FBRS: variants seen among roughly 807,000 people sequenced by gnomAD.
FBRS encodes fibrosin, also known as probable fibrosin-1.
In FBRS, 15 loss-of-function variants were observed where a neutral mutation model predicts 86.1. The ratio of observed to expected loss-of-function variants is 0.17; its 90% CI spans 0.12 to 0.27. FBRS has a LOEUF of 0.27. Among genes scored for constraint, FBRS ranks in the 10% least tolerant of loss-of-function variants. FBRS has a pLI of 1.00. For synonymous variants in FBRS, 666 were observed against 575.8 expected (o/e 1.16, Z -2.24); for missense variants, 1,367 against 1,301.6 (o/e 1.05, Z -0.77).
rs2052586134 is a variant in FBRS, at chr16:30,670,654, C to T, written c.*1009C>T. On this transcript the variant is annotated 3_prime_UTR_variant, in exon 18 of 18. Coordinates refer to ENST00000356166, the MANE Select transcript of FBRS (RefSeq NM_001105079.3). Reference sequence around the variant, plus strand: ...TTCGGCAGCCTCACGGCAGCAACCCCAGCCTTCCCAAAGCAGCAGGCGCCT... The same window carrying T: ...TTCGGCAGCCTCACGGCAGCAACCCTAGCCTTCCCAAAGCAGCAGGCGCCT... 6.3e-6 allele frequency: 1 copy of T among 158,078 alleles called. No homozygotes were observed. Among genetic ancestry groups the T allele is most frequent in the Non-Finnish European group, 1.4e-5 (1 of 70,554 alleles). The allele number at this position is 158,078 out of a possible 1,614,324, so 9.8% of individuals were successfully genotyped here. A position where few individuals can be genotyped will look rare whatever the true frequency, so the allele number is the denominator to read the frequency against.
In FBRS at chr16:30,659,326, G is replaced by T. The variant is rs1386609070; in HGVS notation, c.-193G>T. 2 of 190,344 alleles carry T rather than the reference G, an allele frequency of 1.1e-5. No individual in the cohort carries two copies. The highest frequency in any genetic ancestry group is 2.1e-5 in the Non-Finnish European group (2 of 93,808). The allele number at this position is 190,344 out of a possible 1,614,324, so 11.8% of individuals were successfully genotyped here. The stretch of plus-strand genomic sequence containing the variant: ...CGCAGGGGGGGCCCTCGGGCTTGTC[G>T]CCCCGGGGGCGGCGCCGGCTCCCCG... On this transcript the variant is annotated 5_prime_UTR_variant, in exon 1 of 18. Transcript: ENST00000356166.
intron 11 of FBRS, 165 bp from the exon 12 acceptor site, chr16:30,666,347 A>T: frequency 1.3e-6 from 1 of 794,800 alleles, no homozygotes; most frequent in Non-Finnish European, 2.0e-6. Flanking sequence ...AGAGATGCCT[A>T]GACTGGGAGA....
intron 12 of FBRS, 69 bp downstream of exon 12, chr16:30,666,610 G>A (rs1396007470): frequency 3.7e-6 from 6 of 1,609,536 alleles, no homozygotes; most frequent in Non-Finnish European, 5.1e-6. Flanking sequence ...GCTAAGGGGG[G>A]TTTTGCTTAC....
Position 30,659,927 on chromosome 16 carries a change from T to C in FBRS, c.409T>C (p.Leu137=), listed in dbSNP as rs910098390. The C allele has an allele frequency of 6.4e-7, 1 of 1,551,650 alleles. No homozygotes were observed. The highest frequency in any genetic ancestry group is 2.0e-5 in the Admixed American group (1 of 51,088). The change falls in exon 1 of 18, where the codon TTG becomes CTG. Residue 137 remains leucine (L), a synonymous_variant. Coordinates refer to ENST00000356166, the MANE Select transcript of FBRS (RefSeq NM_001105079.3). ...PEEEEEEEED[L]IDGFAIASFA... ...GGAGGAGGAAGAGGAGGAGGAGGAC[T>C]TGATCGATGGCTTCGCCATCGCCAG... is the stretch of plus-strand genomic sequence containing the variant.
rs1211746309 is a variant in FBRS at position 30,668,953 on chromosome 16, C to T, written c.2340C>T (p.Pro780=). Residue 780 remains proline, a synonymous_variant, in exon 17 of 18, where the codon CCC becomes CCT. Transcript: ENST00000356166. The part of the protein sequence containing the change: ...DKERPVERRE[P]SITKEEKDRD... ...AGCGGCCTGTGGAGCGGAGGGAGCC[C>T]TCCATCACCAAGGAGGAGAAGGACA... 1 of 1,586,046 alleles carries T rather than the reference C, an allele frequency of 6.3e-7. No individual in the cohort carries two copies. The highest frequency in any genetic ancestry group is 1.1e-5 in the South Asian group (1 of 87,076).
In FBRS at chr16:30,669,564, G is replaced by T; in HGVS notation, c.2862G>T (p.Leu954Phe). 6.2e-7 allele frequency: 1 copy of T among 1,612,686 alleles called. No homozygotes were observed. Among genetic ancestry groups the T allele is most frequent in the Non-Finnish European group, 8.5e-7 (1 of 1,179,794 alleles). ...LLSKTPPGAL[L>F]GAPPPLVPAP... The stretch of plus-strand genomic sequence containing the variant: ...GCAAGACCCCACCGGGAGCCCTTTT[G>T]GGGGCACCACCTCCGCTTGTGCCCG... Residue 954 changes from leucine (L) to phenylalanine (F), a missense_variant, in exon 18 of 18, where the codon TTG becomes TTT. This residue lies in a region of FBRS where 659 missense variants were observed against 678.8 expected (regional missense o/e 0.97). Transcript: ENST00000356166. This position sits in a 1 kb window ranked among gnomAD's most constrained non-coding sequence, Gnocchi z 5.9.
At chr16:30,660,203 CT>C (rs1285834694) in intron 1 of FBRS, 59 bp from the exon 2 acceptor site, 1 of 1,383,700 alleles carries the variant, frequency 7.2e-7, no homozygotes, top group Non-Finnish European at 9.4e-7. Flanking sequence ...CTGGTCACCC[CT>C]AGAGGGGTTG....
chr16:30,660,561 G>T, intron 2 of FBRS, 119 bp downstream of exon 2: 1 of 1,255,570 alleles, frequency 8.0e-7, no homozygotes, highest in Non-Finnish European at 1.0e-6. Flanking sequence ...AAAGAGGCAA[G>T]CAGGGCAAAT....
Position 30,664,333 on chromosome 16 carries a change from C to A in FBRS, c.1174C>A (p.Arg392=). Reference sequence around the variant, plus strand: ...CTCCTCGTCCGCGCAGCTCACCCACCGGCCCCCGACGCCCTCACTGCCCCT... The same window carrying A: ...CTCCTCGTCCGCGCAGCTCACCCACAGGCCCCCGACGCCCTCACTGCCCCT... The part of the protein sequence containing the change: ...ASSSSAQLTH[R]PPTPSLPLPL... The change falls in exon 7 of 18, where the codon CGG becomes AGG. Residue 392 remains arginine, a synonymous_variant. Coordinates refer to ENST00000356166, the MANE Select transcript of FBRS (RefSeq NM_001105079.3). 6.5e-7 allele frequency: 1 copy of A among 1,543,696 alleles called. No individual in the cohort carries two copies. The highest frequency in any genetic ancestry group is 8.8e-7 in the Non-Finnish European group (1 of 1,142,300).
Position 30,668,932 on chromosome 16 carries a change from G to C in FBRS, c.2319G>C (p.Arg773=). 1 of 1,590,346 alleles carries C rather than the reference G, an allele frequency of 6.3e-7. No homozygotes were observed. Among genetic ancestry groups the C allele is most frequent in the Non-Finnish European group, 8.5e-7 (1 of 1,171,102 alleles). The change falls in exon 17 of 18, where the codon CGG becomes CGC. Residue 773 remains arginine, a synonymous_variant. Coordinates refer to ENST00000356166, the MANE Select transcript of FBRS (RefSeq NM_001105079.3). Reference sequence around the variant, plus strand: ...GGACTCCAGGCTCAGACAAGGAGCGGCCTGTGGAGCGGAGGGAGCCCTCCA... The same window carrying C: ...GGACTCCAGGCTCAGACAAGGAGCGCCCTGTGGAGCGGAGGGAGCCCTCCA... ...AARTPGSDKE[R]PVERREPSIT...
chr16:30,664,059 G>A (rs1720947919), intron 6 of FBRS, among the ~76,000 whole-genome samples, 156 bp from the exon 7 acceptor site: 1 of 152,140 alleles, frequency 6.6e-6, no homozygotes, highest in Non-Finnish European at 1.5e-5. Context: ...CTCAGTCTGA[G>A]AACGGATTCC....
Position 30,669,896 on chromosome 16 carries a change from C to A in FBRS, c.*251C>A. The stretch of plus-strand genomic sequence containing the variant: ...GGGGCGTGTGCATGGGAGTGTGGCT[C>A]ATCTCGGGGGCCATGGGGCCTCCTG... On this transcript the variant is annotated 3_prime_UTR_variant, in exon 18 of 18. Transcript: ENST00000356166. This position sits in a 1 kb window ranked among gnomAD's most constrained non-coding sequence, Gnocchi z 5.9. 1 of 611,442 alleles carries A rather than the reference C, an allele frequency of 1.6e-6. No homozygotes were observed. Among genetic ancestry groups the A allele is most frequent in the Non-Finnish European group, 2.8e-6 (1 of 351,132 alleles). 37.9% of individuals were successfully genotyped at this position (611,442 alleles called of 1,614,324 possible).
intron 7 of FBRS, 87 bp from the exon 8 acceptor site, chr16:30,664,628 C>T (rs2052500326): frequency 6.9e-7 from 1 of 1,442,250 alleles, no homozygotes; most frequent in Admixed American, 2.8e-5. Context: ...GAGGGAGTGG[C>T]TCGAGGCCAG....
chr16:30,670,323 G>C lies in FBRS; in HGVS notation c.*678G>C. 1 of 396,770 alleles carries C rather than the reference G, an allele frequency of 2.5e-6. No individual in the cohort carries two copies. Among genetic ancestry groups the C allele is most frequent in the Non-Finnish European group, 5.0e-6 (1 of 200,620 alleles). The allele number at this position is 396,770 out of a possible 1,614,324, so 24.6% of individuals were successfully genotyped here. On this transcript the variant is annotated 3_prime_UTR_variant, in exon 18 of 18. Coordinates refer to ENST00000356166, the MANE Select transcript of FBRS (RefSeq NM_001105079.3). ...ATGACCAACAGGGGGCAGGACCTGG[G>C]GACCTGGGCTGGAGGGAAGGGCAGA...
chr16:30,667,921 A>G (rs907265404), intron 15 of FBRS: 1 of 358,950 alleles, frequency 2.8e-6, no homozygotes, highest in Non-Finnish European at 5.0e-6. Flanking sequence ...AGGGGAGAGC[A>G]TGGCCACTGA....
rs2052558582 is a variant in FBRS, at chr16:30,669,036, G to A, written c.2367-33G>A. The A allele has an allele frequency of 2.5e-6, 4 of 1,580,188 alleles. No homozygotes were observed. The highest frequency in any genetic ancestry group is 2.3e-5 in the East Asian group (1 of 43,372). ...ACCCTCAGCCCCTGCTGCCCCTGGA[G>A]AACTTCATTCTCTCCCCACGCCTGC... On this transcript the variant is annotated intron_variant, in intron 17 of 17. Transcript: ENST00000356166. The surrounding 1 kb of genome is among the most constrained non-coding windows in gnomAD (Gnocchi z 5.9).
chr16:30,664,983 G>T (rs562881742), intron 8 of FBRS, 52 bp from the exon 9 acceptor site: 2 of 1,609,094 alleles, frequency 1.2e-6, no homozygotes, highest in East Asian at 2.2e-5. Flanking sequence ...TGGCTTCTGG[G>T]GGAAGGCCCG....
In FBRS at chr16:30,659,460, C is replaced by G. The variant is rs1179752133; in HGVS notation, c.-59C>G. 4.0e-6 allele frequency: 1 copy of G among 249,666 alleles called. No individual in the cohort carries two copies. The highest frequency in any genetic ancestry group is 7.6e-6 in the Non-Finnish European group (1 of 131,322). The allele number at this position is 249,666 out of a possible 1,614,324, so 15.5% of individuals were successfully genotyped here. On this transcript the variant is annotated 5_prime_UTR_variant, in exon 1 of 18. Transcript: ENST00000356166. ...CAGCGCCGCGCCTGCGACCCCGGGCCTGCGGACAGGCCGCTTCGGGCCCCG... is the reference window on the plus strand; with the variant it reads ...CAGCGCCGCGCCTGCGACCCCGGGCGTGCGGACAGGCCGCTTCGGGCCCCG...
At chr16:30,663,459 G>T (rs573302845) in intron 6 of FBRS, among the ~76,000 whole-genome samples, 52 of 152,054 alleles carry the variant, frequency 3.4e-4, no homozygotes, top group Non-Finnish European at 6.3e-4. Context: ...TTAGAAAGCT[G>T]AGTGTCATGC....
Sources: allele counts gnomAD v4.1 joint callset (sites outside exome capture counted in the v4.1 genomes callset), GRCh38; gene constraint gnomAD v4.1.1; regional missense constraint gnomAD v4.1.1; non-coding constraint Gnocchi (gnomAD v3.1); transcripts MANE v1.5; gene names NCBI Gene and HGNC (gene_info 2026-07-23, HGNC 2026-07-21).